The following INPP5B variants were observed in gnomAD, a reference collection of about 807,000 sequenced individuals.
The protein encoded by INPP5B is inositol polyphosphate-5-phosphatase B.
Under a neutral mutation model 118.5 loss-of-function variants are expected in INPP5B, and 90 were observed. The observed-to-expected ratio is 0.76, with a 90% CI of 0.64 to 0.90. INPP5B has a LOEUF of 0.90. Among genes scored for constraint, INPP5B ranks in the 40% least tolerant of loss-of-function variants. The pLI is 0.00. For synonymous variants in INPP5B, 385 were observed against 418.9 expected (o/e 0.92, Z 0.99); for missense variants, 984 against 1,125.6 (o/e 0.87, Z 1.80).
At chr1:37,945,922 T>A (rs1297951797) in intron 2 of INPP5B, 72 bp from the exon 3 acceptor site, 1 of 1,366,778 alleles carries the variant, frequency 7.3e-7, no homozygotes, top group East Asian at 2.3e-5. Context: ...CCACCTTCCC[T>A]CTGTTCCCCT....
At chr1:37,931,422 G>C in intron 7 of INPP5B, 3 of 1,515,996 alleles carry the variant, frequency 2.0e-6, no homozygotes, top group Non-Finnish European at 8.8e-7. Context: ...GTTCGGAACG[G>C]AGCTTTACTA....
intron 20 of INPP5B, among the ~76,000 whole-genome samples, chr1:37,868,065 G>A (rs1021957167): frequency 4.6e-5 from 7 of 152,196 alleles, no homozygotes; most frequent in Middle Eastern, 3.4e-3. Flanking sequence ...GGCAGAGCGC[G>A]GTGGCTCATG....
chr1:37,945,220 C>T (rs1414980359), intron 3 of INPP5B, among the ~76,000 whole-genome samples: 1 of 152,146 alleles, frequency 6.6e-6, no homozygotes, highest in Non-Finnish European at 1.5e-5. Flanking sequence ...AACTTGAGGT[C>T]AGGACTTCAA....
At chr1:37,881,119 T>C (rs1331611266) in intron 14 of INPP5B, among the ~76,000 whole-genome samples, 2 of 152,224 alleles carry the variant, frequency 1.3e-5, no homozygotes, top group East Asian at 1.9e-4. Context: ...AACAAACTAA[T>C]AGTTTTTCTC....
chr1:37,901,133 C>A (rs1644317873), intron 7 of INPP5B, among the ~76,000 whole-genome samples: 1 of 152,148 alleles, frequency 6.6e-6, no homozygotes, highest in Non-Finnish European at 1.5e-5. Flanking sequence ...TATATTTATT[C>A]ATTATTATTG....
intron 13 of INPP5B, among the ~76,000 whole-genome samples, chr1:37,884,796 CA>C (rs1643422675): frequency 6.6e-6 from 1 of 151,676 alleles, no homozygotes. Context: ...ACTCAAAATA[CA>C]AAAATTATCC....
intron 7 of INPP5B, among the ~76,000 whole-genome samples, chr1:37,921,977 A>G (rs1645073381): frequency 6.6e-6 from 1 of 152,212 alleles, no homozygotes; most frequent in African/African-American, 2.4e-5. Context: ...AGCTGCAATG[A>G]GCCGAGATCA....
At chr1:37,913,510 G>A (rs1244192767) in intron 7 of INPP5B, among the ~76,000 whole-genome samples, 1 of 152,012 alleles carries the variant, frequency 6.6e-6, no homozygotes, top group Admixed American at 6.6e-5. Context: ...CTTCCGTTTA[G>A]TTTCCCAATT....
intron 7 of INPP5B, among the ~76,000 whole-genome samples, chr1:37,910,013 T>A (rs1644636089): frequency 6.6e-6 from 1 of 152,260 alleles, no homozygotes; most frequent in Non-Finnish European, 1.5e-5. Context: ...AGGACCCCAC[T>A]GGAAATCAGA....
At chr1:37,886,667 G>C (rs754558150) in intron 12 of INPP5B, among the ~76,000 whole-genome samples, 5 of 152,192 alleles carry the variant, frequency 3.3e-5, no homozygotes, top group Non-Finnish European at 7.3e-5. Flanking sequence ...CTCTAGTGTT[G>C]GGGAATATGA....
chr1:37,931,773 G>C, intron 7 of INPP5B, 140 bp downstream of exon 7: 1 of 1,604,390 alleles, frequency 6.2e-7, no homozygotes, highest in South Asian at 1.1e-5. Context: ...TCCGCCCCCA[G>C]ACGAACCCGC....
intron 7 of INPP5B, among the ~76,000 whole-genome samples, chr1:37,926,217 T>TA (rs1410563685): frequency 1.3e-5 from 2 of 152,224 alleles, no homozygotes; most frequent in Non-Finnish European, 2.9e-5. Context: ...CAGACTTTAA[T>TA]ACTTTGTTTC....
At chr1:37,908,344 C>T (rs1416118502) in intron 7 of INPP5B, among the ~76,000 whole-genome samples, 3 of 152,206 alleles carry the variant, frequency 2.0e-5, no homozygotes, top group Non-Finnish European at 4.4e-5. Flanking sequence ...AGTCTTTTCA[C>T]TCTTCTCATG....
Position 37,888,342 on chromosome 1 carries a change from A to T in INPP5B, c.800T>A (p.Phe267Tyr), listed in dbSNP as rs370470342. Residue 267 changes from phenylalanine to tyrosine, a missense_variant and splice_region_variant, in exon 10 of 24, where the codon TTT becomes TAT. This residue lies in a region of INPP5B where 634 missense variants were observed against 791.0 expected (regional missense o/e 0.80). Coordinates refer to ENST00000373024, the MANE Select transcript of INPP5B (RefSeq NM_005540.3). ...EDYTYIQNFR[F>Y]FAGTYNVNGQ... ...ATTTACATTGTATGTTCCCGCAAAA[A>T]ACCTGTCACCAAAGAGAAATAATTA... is the stretch of plus-strand genomic sequence containing the variant. The T allele has an allele frequency of 5.9e-6, 9 of 1,525,934 alleles. No homozygotes were observed. Among genetic ancestry groups the T allele is most frequent in the African/African-American group, 5.7e-5 (4 of 70,768 alleles). 94.5% of individuals were successfully genotyped at this position (1,525,934 alleles called of 1,614,324 possible).
At chr1:37,885,550 C>A in intron 13 of INPP5B, 88 bp downstream of exon 13, 2 of 1,161,278 alleles carry the variant, frequency 1.7e-6, no homozygotes, top group Non-Finnish European at 2.5e-6. Flanking sequence ...CAATAGGAAA[C>A]CACCACCAGG....
chr1:37,935,081 C>G (rs1645634049), intron 6 of INPP5B, among the ~76,000 whole-genome samples: 1 of 149,838 alleles, frequency 6.7e-6, no homozygotes, highest in African/African-American at 2.4e-5. Context: ...GGCGCCTGTA[C>G]TCCCAGCTAC....
rs969667810 is a variant in INPP5B at position 37,887,384 on chromosome 1, T to G, written c.981A>C (p.Ser327=). 8.7e-6 allele frequency: 14 copies of G among 1,613,314 alleles called. No homozygotes were observed. Among genetic ancestry groups the G allele is most frequent in the Non-Finnish European group, 1.2e-5 (14 of 1,179,400 alleles). The change falls in exon 11 of 24, where the codon TCA becomes TCC. Residue 327 remains serine (S), a synonymous_variant. Transcript: ENST00000373024. ...ATTTGGCATCTGGATGAAGACCCTC[T>G]GACACAGCTTTGAACCACTCTTCCT... is the stretch of plus-strand genomic sequence containing the variant. ...PKEEEWFKAV[S]EGLHPDAKYA...
At chr1:37,910,798 C>T (rs938174956) in intron 7 of INPP5B, among the ~76,000 whole-genome samples, 3 of 152,138 alleles carry the variant, frequency 2.0e-5, no homozygotes, top group Non-Finnish European at 2.9e-5. Flanking sequence ...TGCACCCTAT[C>T]GACCAAATTG....
intron 7 of INPP5B, among the ~76,000 whole-genome samples, chr1:37,909,222 C>A (rs1028267209): frequency 2.0e-5 from 3 of 152,134 alleles, no homozygotes; most frequent in Non-Finnish European, 2.9e-5. Flanking sequence ...AAGCTTTCTT[C>A]TTTCTCTCCT....
Sources: allele counts gnomAD v4.1 joint callset (sites outside exome capture counted in the v4.1 genomes callset), GRCh38; gene constraint gnomAD v4.1.1; regional missense constraint gnomAD v4.1.1; transcripts MANE v1.5; gene names NCBI Gene and HGNC (gene_info 2026-07-23, HGNC 2026-07-21).